Variants in SLC44A1 observed in about 807,000 individuals in gnomAD.
SLC44A1 encodes the protein solute carrier family 44 member 1, also known as choline transporter-like protein 1.
SLC44A1 carries 26 observed loss-of-function variants against 79.3 expected under a neutral mutation model. That is an observed-to-expected ratio of 0.33 (90% CI 0.24 to 0.46). SLC44A1 has a LOEUF of 0.46. Ranked by LOEUF, SLC44A1 falls within the 20% of genes least tolerant of loss-of-function variation. The probability of loss-of-function intolerance (pLI) is 1.00; values close to 1 mark genes in which losing one functional copy is unlikely to be tolerated. For synonymous variants in SLC44A1, 263 were observed against 286.2 expected, an observed-to-expected ratio of 0.92 and a Z score of 0.82; for missense variants, 688 against 798.1, an observed-to-expected ratio of 0.86 and a Z score of 1.66.
rs368075040 is a variant in SLC44A1 at position 105,385,476 on chromosome 9, G to A, written c.1924G>A (p.Ala642Thr). Reference sequence around the variant, plus strand: ...GAAAGAAGCTGGTAAGGGAGGCGTCGCTGATTCCAGAGAGCTAAAGCCGAT... The same window carrying A: ...GAAAGAAGCTGGTAAGGGAGGCGTCACTGATTCCAGAGAGCTAAAGCCGAT... Reference protein sequence around the residue: ...AMKEAGKGGVADSRELKPMAS... With the variant: ...AMKEAGKGGVTDSRELKPMAS... Residue 642 changes from alanine to threonine, a missense_variant, in exon 15 of 16, where the codon GCT becomes ACT. Ala to Thr is a moderately conservative substitution (Grantham distance 58). Transcript: ENST00000374720. 187 of 1,582,226 alleles carry A rather than the reference G, an allele frequency of 1.2e-4. No homozygotes were observed. Among genetic ancestry groups the A allele is most frequent in the Non-Finnish European group, 1.5e-4 (179 of 1,163,746 alleles).
intron 3 of SLC44A1, among the ~76,000 whole-genome samples, chr9:105,333,268 T>G (rs1229487570): frequency 3.9e-5 from 6 of 152,122 alleles, no homozygotes; most frequent in Admixed American, 1.3e-4. Context: ...TCCCTAAGCT[T>G]CTTTTTCTAC....
At chr9:105,362,533 G>T (rs1827813588) in intron 8 of SLC44A1, among the ~76,000 whole-genome samples, 1 of 152,074 alleles carries the variant, frequency 6.6e-6, no homozygotes, top group Admixed American at 6.5e-5. Flanking sequence ...CTGACTGACA[G>T]TATGTTTTGG....
At chr9:105,310,469 C>G (rs541292197) in intron 3 of SLC44A1, among the ~76,000 whole-genome samples, 2 of 152,110 alleles carry the variant, frequency 1.3e-5, no homozygotes, top group Non-Finnish European at 2.9e-5. Context: ...AAATAGATTT[C>G]ATCTAGCATA....
chr9:105,351,806 C>T (rs1440245008), intron 5 of SLC44A1, among the ~76,000 whole-genome samples: 1 of 152,142 alleles, frequency 6.6e-6, no homozygotes, highest in East Asian at 1.9e-4. Flanking sequence ...ATTTAACCTT[C>T]ACAAAAATCT....
chr9:105,345,611 A>G (rs2131376392), intron 4 of SLC44A1, among the ~76,000 whole-genome samples: 1 of 152,158 alleles, frequency 6.6e-6, no homozygotes, highest in African/African-American at 2.4e-5. Flanking sequence ...GAGTGTGGTG[A>G]TGGAAACATA....
At chr9:105,291,088 A>G (rs1436595148) in intron 1 of SLC44A1, among the ~76,000 whole-genome samples, 1 of 152,242 alleles carries the variant, frequency 6.6e-6, no homozygotes, top group Non-Finnish European at 1.5e-5. Flanking sequence ...TGCAGATGCT[A>G]GGAACAGAAG....
chr9:105,431,304 TATCCAGTTGTCCC>T (rs1247515136), intron 15 of SLC44A1, among the ~76,000 whole-genome samples: 6 of 152,260 alleles, frequency 3.9e-5, no homozygotes, highest in Non-Finnish European at 7.3e-5. Flanking sequence ...TGCATGTGGA[TATCCAGTTGTCCC>T]ATTTGGACAA....
At chr9:105,384,946 G>A (rs1828585229) in intron 14 of SLC44A1, among the ~76,000 whole-genome samples, 1 of 152,040 alleles carries the variant, frequency 6.6e-6, no homozygotes, top group African/African-American at 2.4e-5. Context: ...GTTTGTTTAT[G>A]GTTTGGTTAA....
At chr9:105,340,365 C>T (rs1371166794) in intron 4 of SLC44A1, among the ~76,000 whole-genome samples, 2 of 152,088 alleles carry the variant, frequency 1.3e-5, no homozygotes, top group African/African-American at 2.4e-5. Context: ...ATGATAGTTG[C>T]CAGGGTGGCA....
At chr9:105,299,146 C>G in intron 1 of SLC44A1, 74 bp from the exon 2 acceptor site, 1 of 995,246 alleles carries the variant, frequency 1.0e-6, no homozygotes, top group East Asian at 2.6e-5. Context: ...CTAGCTATAG[C>G]TGGTGTATTT....
At chr9:105,307,118 T>G (rs960388443) in intron 2 of SLC44A1, among the ~76,000 whole-genome samples, 1 of 152,234 alleles carries the variant, frequency 6.6e-6, no homozygotes, top group East Asian at 1.9e-4. Context: ...TCACCTGCCA[T>G]GTACCAGACA....
intron 15 of SLC44A1, among the ~76,000 whole-genome samples, chr9:105,432,261 T>G (rs369881570): frequency 1.0e-3 from 154 of 152,318 alleles, no homozygotes; most frequent in African/African-American, 3.5e-3. Flanking sequence ...AGTTGAATGG[T>G]GGCTCTTATT....
intron 3 of SLC44A1, among the ~76,000 whole-genome samples, chr9:105,319,555 C>A (rs1374162136): frequency 1.3e-5 from 2 of 152,082 alleles, no homozygotes; most frequent in African/African-American, 2.4e-5. Flanking sequence ...AATTTGATAC[C>A]ATGTGATCCC....
At chr9:105,324,790 C>A (rs1044055145) in intron 3 of SLC44A1, among the ~76,000 whole-genome samples, 2 of 152,052 alleles carry the variant, frequency 1.3e-5, no homozygotes, top group East Asian at 3.9e-4. Context: ...AAATGCAAAT[C>A]AAAACAACAA....
downstream of SLC44A1, among the ~76,000 whole-genome samples, chr9:105,400,131 G>C (rs35322610): frequency 6.6e-6 from 1 of 152,068 alleles, no homozygotes; most frequent in Non-Finnish European, 1.5e-5. Flanking sequence ...GGAGGCATAC[G>C]TTGCGGTGAG....
intron 15 of SLC44A1, among the ~76,000 whole-genome samples, chr9:105,414,118 A>G (rs1829135784): frequency 6.7e-6 from 1 of 149,402 alleles, no homozygotes; most frequent in African/African-American, 2.5e-5. Context: ...GCTGGAGTGC[A>G]GTGGCACGAT....
downstream of SLC44A1, among the ~76,000 whole-genome samples, chr9:105,401,912 T>G (rs1350180680): frequency 6.6e-6 from 1 of 152,152 alleles, no homozygotes; most frequent in African/African-American, 2.4e-5. Flanking sequence ...GAGAGTGCTT[T>G]GGAGCACACA....
intron 15 of SLC44A1, among the ~76,000 whole-genome samples, chr9:105,411,775 G>T (rs190007137): frequency 1.8e-4 from 28 of 152,160 alleles, no homozygotes; most frequent in Middle Eastern, 3.4e-3. Flanking sequence ...TTTTTGGCAG[G>T]AATACCACAG....
chr9:105,323,952 C>T (rs1325888691), intron 3 of SLC44A1, among the ~76,000 whole-genome samples: 3 of 152,138 alleles, frequency 2.0e-5, no homozygotes, highest in Admixed American at 6.5e-5. Context: ...AGCCATTCTT[C>T]GACCTCTAGT....
Sources: allele counts gnomAD v4.1 joint callset (sites outside exome capture counted in the v4.1 genomes callset), GRCh38; gene constraint gnomAD v4.1.1; transcripts MANE v1.5; gene names NCBI Gene and HGNC (gene_info 2026-07-23, HGNC 2026-07-21).